UBR1: variants seen among roughly 807,000 people sequenced by gnomAD.
UBR1 encodes the protein E3 ubiquitin-protein ligase UBR1.
A neutral mutation model predicts 242.1 loss-of-function variants in UBR1; 102 were observed. That is an observed-to-expected ratio of 0.42 (90% CI 0.36 to 0.50). The LOEUF (loss-of-function observed/expected upper bound fraction) is 0.50. Ranked by LOEUF, UBR1 falls within the 20% of genes least tolerant of loss-of-function variation. UBR1 has a pLI of 0.01. For synonymous variants in UBR1, 675 were observed against 684.8 expected, an observed-to-expected ratio of 0.99 and a Z score of 0.22; for missense variants, 1,772 against 2,101.8, an observed-to-expected ratio of 0.84 and a Z score of 3.07.
chr15:43,014,339 G>C (rs1173623611), intron 29 of UBR1, among the ~76,000 whole-genome samples: 1 of 151,788 alleles, frequency 6.6e-6, no homozygotes, highest in South Asian at 2.1e-4. Flanking sequence ...CTGCCTGGCC[G>C]CGCATCGTCT....
At chr15:43,085,456 T>C (rs961160255) in intron 2 of UBR1, among the ~76,000 whole-genome samples, 5 of 152,190 alleles carry the variant, frequency 3.3e-5, no homozygotes, top group African/African-American at 1.2e-4. Flanking sequence ...AAGACATATA[T>C]ATTCAGAAAC....
chr15:43,028,609 G>C (rs1321062543), intron 21 of UBR1, among the ~76,000 whole-genome samples: 1 of 151,460 alleles, frequency 6.6e-6, no homozygotes, highest in Non-Finnish European at 1.5e-5. Flanking sequence ...GCCAGGCATG[G>C]TGGTGCGCGC....
Position 42,952,454 on chromosome 15 carries a change from A to G in UBR1, c.4836-6T>C. ...CATCTGCAGACCGTGGGCACCTCAA[A>G]AGAGAAGAAAACATTTAGAGAATGA... On this transcript the variant is annotated splice_region_variant and splice_polypyrimidine_tract_variant and intron_variant, in intron 44 of 46. Transcript: ENST00000290650. The G allele has an allele frequency of 6.2e-7, 1 of 1,614,222 alleles. No homozygotes were observed. Among genetic ancestry groups the G allele is most frequent in the Non-Finnish European group, 8.5e-7 (1 of 1,180,026 alleles).
rs116325984 is a variant in UBR1, at chr15:42,990,517, G to A, written c.3758-397C>T. Among the ~76,000 whole-genome samples the A allele has an allele frequency of 3.6e-3, 543 of 152,256 alleles. 4 individuals carry two copies. Among genetic ancestry groups the A allele is most frequent in the African/African-American group, 0.012 (518 of 41,530 alleles). ...ATACATGATCATTTTAGGAAACTTG[G>A]AATATGCTAATAAGCAATGAATGAT... On this transcript the variant is annotated intron_variant, in intron 33 of 46. Transcript: ENST00000290650.
chr15:43,011,927 T>C (rs1026780221), intron 29 of UBR1: 6 of 453,546 alleles, frequency 1.3e-5, no homozygotes, highest in Admixed American at 1.2e-4. Context: ...TAAACAATGA[T>C]GTAGAATCTA....
intron 44 of UBR1, 147 bp from the exon 45 acceptor site, chr15:42,952,595 T>A (rs2031852957): frequency 2.3e-6 from 2 of 868,644 alleles, no homozygotes; most frequent in South Asian, 1.5e-5. Flanking sequence ...AACATTTAAT[T>A]AGCCAATTCC....
In UBR1 at chr15:43,014,408, C is replaced by T. The variant is rs1596101569; in HGVS notation, c.3209+1280G>A. On this transcript the variant is annotated intron_variant, in intron 29 of 46. Coordinates refer to ENST00000290650, the MANE Select transcript of UBR1 (RefSeq NM_174916.3). ...GTCTGGAAAGTGAGGAGCATCTCTG[C>T]CCGGCCGCCATCCCATCTAGGAAGT... is the stretch of plus-strand genomic sequence containing the variant. 2.0e-5 allele frequency among the ~76,000 whole-genome samples: 3 copies of T among 151,968 alleles called. No homozygotes were observed. The South Asian group carries it at 6.2e-4, about 32-fold the overall frequency.
At chr15:43,060,394 C>G (rs1450580199) in intron 6 of UBR1, among the ~76,000 whole-genome samples, 1 of 152,204 alleles carries the variant, frequency 6.6e-6, no homozygotes, top group Non-Finnish European at 1.5e-5. Context: ...GCAGTGTCCT[C>G]TCTACTTATA....
In UBR1 at chr15:43,066,757, A is replaced by G. The variant is rs147399492; in HGVS notation, c.798+1141T>C. On this transcript the variant is annotated intron_variant, in intron 6 of 46. Coordinates refer to ENST00000290650, the MANE Select transcript of UBR1 (RefSeq NM_174916.3). ...TGTTAGAAATGAAGAACTGAACTGC[A>G]TACCCCATAGCAAATCAAAATTTGC... Among the ~76,000 whole-genome samples the G allele has an allele frequency of 9.8e-3, 1,488 of 152,280 alleles. 12 individuals are homozygous for G. The highest frequency in any genetic ancestry group is 0.031 in the Middle Eastern group (9 of 294).
chr15:42,971,877 A>C (rs1243374623), intron 39 of UBR1, among the ~76,000 whole-genome samples: 8 of 152,210 alleles, frequency 5.3e-5, no homozygotes, highest in Non-Finnish European at 1.2e-4. Context: ...ATTTTTTAAG[A>C]GAAGTTTTAG....
chr15:43,013,941 G>A (rs975909573), intron 29 of UBR1, among the ~76,000 whole-genome samples: 2 of 151,586 alleles, frequency 1.3e-5, no homozygotes, highest in Non-Finnish European at 2.9e-5. Flanking sequence ...AGCTGAAGCT[G>A]GACTGTACTG....
At chr15:43,001,103 G>C (rs1296695031) in intron 32 of UBR1, among the ~76,000 whole-genome samples, 2 of 151,608 alleles carry the variant, frequency 1.3e-5, no homozygotes, top group African/African-American at 2.4e-5. Context: ...CAAAGTGCTG[G>C]GATTCAGGCG....
chr15:42,954,757 T>G (rs909021460), intron 44 of UBR1, among the ~76,000 whole-genome samples: 2 of 152,080 alleles, frequency 1.3e-5, no homozygotes, highest in African/African-American at 2.4e-5. Context: ...TTAGTAGAGA[T>G]AGCATTTTGC....
rs544054828 is a variant in UBR1, at chr15:42,977,780, CAA to C, written c.4218+98_4218+99del. The C allele has an allele frequency of 2.3e-3, 2,472 of 1,058,812 alleles. 9 individuals carry two copies. The highest frequency in any genetic ancestry group is 3.1e-3 in the Non-Finnish European group (2,166 of 700,680). The allele number at this position is 1,058,812 out of a possible 1,614,324, so 65.6% of individuals were successfully genotyped here. The stretch of plus-strand genomic sequence containing the variant: ...GAGACCAAACTTTATAGATTAAACA[CAA>C]AGAATTTATAATCTTGAACAAAGGG... On this transcript the variant is annotated intron_variant, in intron 38 of 46. Coordinates refer to ENST00000290650, the MANE Select transcript of UBR1 (RefSeq NM_174916.3).
At chr15:43,061,917 T>G (rs60929043) in intron 6 of UBR1, among the ~76,000 whole-genome samples, 1,933 of 151,982 alleles carry the variant, frequency 0.013, 41 homozygotes, top group African/African-American at 0.043. Context: ...AAGAACTTGC[T>G]CATGTAACCA....
At chr15:43,043,159 G>A (rs1176973485) in intron 15 of UBR1, 56 bp downstream of exon 15, 1 of 1,576,994 alleles carries the variant, frequency 6.3e-7, no homozygotes, top group Non-Finnish European at 8.7e-7. Context: ...TCTACTAAAT[G>A]AATACCTAGA....
chr15:43,096,172 C>G (rs906926187), intron 1 of UBR1, among the ~76,000 whole-genome samples: 8 of 150,304 alleles, frequency 5.3e-5, no homozygotes, highest in Non-Finnish European at 1.0e-4. Flanking sequence ...GGCAATTTCT[C>G]TCTTTTTTTT....
At chr15:43,039,521 T>C (rs998099180) in intron 15 of UBR1, among the ~76,000 whole-genome samples, 46 of 152,238 alleles carry the variant, frequency 3.0e-4, no homozygotes, top group Non-Finnish European at 6.5e-4. Flanking sequence ...TTTTTGCACA[T>C]TGATTTTGTA....
chr15:43,067,007 C>T (rs2033760602), intron 6 of UBR1, among the ~76,000 whole-genome samples: 1 of 152,270 alleles, frequency 6.6e-6, no homozygotes, highest in South Asian at 2.1e-4. Flanking sequence ...TTCTTATGTA[C>T]TCAGAATGGG....
Sources: gnomAD v4.1 joint callset for allele counts (sites outside exome capture counted in the v4.1 genomes callset) on GRCh38, gnomAD v4.1.1 for gene constraint, MANE v1.5 for transcripts, NCBI Gene and HGNC (gene_info 2026-07-23, HGNC 2026-07-21) for gene names.